ANO7: variants seen among roughly 807,000 people sequenced by gnomAD.
ANO7 encodes anoctamin-7.
ANO7 carries 114 observed loss-of-function variants against 115.8 expected under a neutral mutation model. That is an observed-to-expected ratio of 0.98 (90% CI 0.85 to 1.15). The LOEUF (loss-of-function observed/expected upper bound fraction) is 1.15. Ranked by LOEUF, ANO7 falls within the 50% of genes most tolerant of loss-of-function variation. ANO7 has a pLI of 0.00. For missense variants in ANO7, 1,302 were observed against 1,201.2 expected, an observed-to-expected ratio of 1.08 and a Z score of -1.24; for synonymous variants, 550 against 498.2, an observed-to-expected ratio of 1.10 and a Z score of -1.38.
chr2:241,216,464 G>A (rs2068830749), intron 19 of ANO7, among the ~76,000 whole-genome samples: 1 of 152,258 alleles, frequency 6.6e-6, no homozygotes, highest in Non-Finnish European at 1.5e-5. Flanking sequence ...AGGGGCACCG[G>A]CACGGGGAGG....
the ANO7 span, chr2:241,238,571 C>A: frequency 8.8e-7 from 1 of 1,139,570 alleles, no homozygotes; most frequent in Non-Finnish European, 1.2e-6. The surrounding 1 kb of genome is among the most constrained non-coding windows in gnomAD (Gnocchi z 4.9). Context: ...AGAGCCTCAC[C>A]AGTATGTGCG....
rs537638105 is a variant in ANO7 at position 241,203,535 on chromosome 2, C to T, written c.889+37C>T. On this transcript the variant is annotated intron_variant, in intron 9 of 24. Transcript: ENST00000674324. The surrounding 1 kb of genome is among the most constrained non-coding windows in gnomAD (Gnocchi z 4.8). ...CCGCTGCCCCCCAGACCACCTGGGC[C>T]CCCCCAGCTTGGTGTCAGGTTGTAA... 2.9e-6 allele frequency: 4 copies of T among 1,389,228 alleles called. No individual in the cohort carries two copies. Among genetic ancestry groups the T allele is most frequent in the Admixed American group, 2.9e-5 (1 of 34,056 alleles). The allele number at this position is 1,389,228 out of a possible 1,614,324, so 86.1% of individuals were successfully genotyped here. A position where few individuals can be genotyped will look rare whatever the true frequency, so the allele number is the denominator to read the frequency against.
chr2:241,233,100 C>T, the ANO7 span, among the ~76,000 whole-genome samples: 1 of 152,158 alleles, frequency 6.6e-6, no homozygotes, highest in Admixed American at 6.5e-5. This position sits in a 1 kb window ranked among gnomAD's most constrained non-coding sequence, Gnocchi z 4.3. Flanking sequence ...GAAACCAGCA[C>T]AACTGTGGCC....
chr2:241,226,954 C>T (rs914071268), downstream of ANO7, among the ~76,000 whole-genome samples: 18 of 152,184 alleles, frequency 1.2e-4, no homozygotes, highest in African/African-American at 3.4e-4. Context: ...CAGGCCGGGT[C>T]CAGGGTGCCA....
intron 10 of ANO7, among the ~76,000 whole-genome samples, chr2:241,206,178 C>T (rs112553737): frequency 7.9e-5 from 2 of 25,334 alleles, no homozygotes; most frequent in Non-Finnish European, 6.8e-5. Flanking sequence ...ATGCTCCCAG[C>T]CTGACACAGG....
chr2:241,188,898 G>T lies in ANO7; in HGVS notation c.-8+132G>T, dbSNP rs537846026. 2 of 1,245,472 alleles carry T rather than the reference G, an allele frequency of 1.6e-6. No individual in the cohort carries two copies. Among genetic ancestry groups the T allele is most frequent in the Non-Finnish European group, 2.2e-6 (2 of 918,950 alleles). 77.2% of individuals were successfully genotyped at this position (1,245,472 alleles called of 1,614,324 possible). ...CTGTGGGGAGGCAGTGCCAGGGCCC[G>T]CCCTGGTCCCCAAAGCCCCTTGGGG... On this transcript the variant is annotated intron_variant, in intron 1 of 24. Transcript: ENST00000674324. This position sits in a 1 kb window ranked among gnomAD's most constrained non-coding sequence, Gnocchi z 4.3.
At chr2:241,236,660 G>A in the ANO7 span, 17 of 1,613,950 alleles carry the variant, frequency 1.1e-5, no homozygotes, top group Middle Eastern at 1.5e-3. Context: ...TCCGGCCAGA[G>A]ATGATGATGA....
rs906972693 is a variant in ANO7 at position 241,203,617 on chromosome 2, C to A, written c.889+119C>A. ...CGTGCGTGGGGGCCTGGACGGTGGGCGCAGCTCTTGGCTCGACCGGGCTGC... is the reference window on the plus strand; with the variant it reads ...CGTGCGTGGGGGCCTGGACGGTGGGAGCAGCTCTTGGCTCGACCGGGCTGC... On this transcript the variant is annotated intron_variant, in intron 9 of 24. Coordinates refer to ENST00000674324, the MANE Select transcript of ANO7 (RefSeq NM_001370694.2). The surrounding 1 kb of genome is among the most constrained non-coding windows in gnomAD (Gnocchi z 4.8). 2.7e-6 allele frequency: 2 copies of A among 735,514 alleles called. No homozygotes were observed. The highest frequency in any genetic ancestry group is 4.1e-6 in the Non-Finnish European group (2 of 483,532). 45.6% of individuals were successfully genotyped at this position (735,514 alleles called of 1,614,324 possible). A position where few individuals can be genotyped will look rare whatever the true frequency, so the allele number is the denominator to read the frequency against.
Position 241,203,127 on chromosome 2 carries a change from C to T in ANO7, c.724-206C>T, listed in dbSNP as rs1221494851. On this transcript the variant is annotated intron_variant, in intron 8 of 24. Coordinates refer to ENST00000674324, the MANE Select transcript of ANO7 (RefSeq NM_001370694.2). The surrounding 1 kb of genome is among the most constrained non-coding windows in gnomAD (Gnocchi z 4.8). Reference sequence around the variant, plus strand: ...CCTCGAAGTCCAGGAGTCAGAGGGGCCTCACCACATATGTCCCCTCCTCAG... The same window carrying T: ...CCTCGAAGTCCAGGAGTCAGAGGGGTCTCACCACATATGTCCCCTCCTCAG... Among the ~76,000 whole-genome samples the T allele has an allele frequency of 6.6e-6, 1 of 152,126 alleles. No homozygotes were observed. The highest frequency in any genetic ancestry group is 1.9e-4 in the East Asian group (1 of 5,178).
intron 6 of ANO7, 73 bp from the exon 7 acceptor site, chr2:241,201,225 C>G: frequency 3.4e-6 from 5 of 1,483,102 alleles, no homozygotes; most frequent in Non-Finnish European, 4.4e-6. Context: ...CCCGCAGCTT[C>G]CTCCAAACCT....
Position 241,199,352 on chromosome 2 carries a change from G to T in ANO7, c.346G>T (p.Ala116Ser). ...VQDGNTTVHY[A>S]LLSASWAVLC... ...GGACGGGAACACCACAGTGCACTAC[G>T]CCCTCCTCAGCGCCTCCTGGGCTGT... Residue 116 changes from alanine to serine, a missense_variant, in exon 5 of 25, where the codon GCC (alanine) becomes TCC (serine). By Grantham distance (99) the Ala-to-Ser change is moderately conservative. Transcript: ENST00000674324. 1.2e-6 allele frequency: 2 copies of T among 1,613,680 alleles called. No individual in the cohort carries two copies. The highest frequency in any genetic ancestry group is 1.7e-6 in the Non-Finnish European group (2 of 1,180,006).
chr2:241,229,431 G>A, downstream of ANO7: 1 of 577,552 alleles, frequency 1.7e-6, no homozygotes. Flanking sequence ...GCCAGGCCTG[G>A]AGGAGCGGCC....
At chr2:241,223,638 G>C (rs753209048) in intron 22 of ANO7, 24 bp from the exon 23 acceptor site, 6 of 1,608,238 alleles carry the variant, frequency 3.7e-6, no homozygotes, top group South Asian at 1.1e-5. Context: ...TTGGGTGGGC[G>C]TGAGTGCCTT....
chr2:241,229,376 C>T (rs936448636), downstream of ANO7: 8 of 481,966 alleles, frequency 1.7e-5, no homozygotes, highest in Non-Finnish European at 3.0e-5. Flanking sequence ...ATGCTCATGA[C>T]CTTGGTTTAG....
chr2:241,211,962 CCTT>C (rs2068728429), intron 15 of ANO7, 129 bp from the exon 16 acceptor site: 3 of 651,434 alleles, frequency 4.6e-6, no homozygotes, highest in Non-Finnish European at 8.2e-6. Context: ...CACTTTGTCT[CCTT>C]CTTTTAAATA....
chr2:241,234,503 C>T, the ANO7 span, among the ~76,000 whole-genome samples: 2 of 152,198 alleles, frequency 1.3e-5, no homozygotes, highest in Non-Finnish European at 2.9e-5. Flanking sequence ...CCAGACTCGA[C>T]GTGCTCACGG....
intron 17 of ANO7, among the ~76,000 whole-genome samples, chr2:241,214,359 G>A (rs549931441): frequency 1.3e-5 from 2 of 152,330 alleles, no homozygotes; most frequent in South Asian, 4.1e-4. Flanking sequence ...ATCCCCATCT[G>A]GAGGGAAGGT....
At chr2:241,240,249 C>T in the ANO7 span, 1 of 861,752 alleles carries the variant, frequency 1.2e-6, no homozygotes, top group Non-Finnish European at 1.9e-6. The surrounding 1 kb of genome is among the most constrained non-coding windows in gnomAD (Gnocchi z 5.5). Flanking sequence ...CCTGATGTTG[C>T]ACCAATACCC....
the ANO7 span, chr2:241,236,605 G>A: frequency 1.1e-5 from 17 of 1,613,508 alleles, no homozygotes; most frequent in Admixed American, 2.3e-4. Flanking sequence ...GGGGGCACAT[G>A]GACACATACC....
Sources: gnomAD v4.1 joint callset for allele counts (sites outside exome capture counted in the v4.1 genomes callset) on GRCh38, gnomAD v4.1.1 for gene constraint, Gnocchi (gnomAD v3.1) non-coding constraint, MANE v1.5 for transcripts, NCBI Gene and HGNC (gene_info 2026-07-23, HGNC 2026-07-21) for gene names.